STX2: variants seen among roughly 807,000 people sequenced by gnomAD.
STX2 encodes the protein syntaxin 2, also known as syntaxin-2.
STX2 carries 27 observed loss-of-function variants against 40.6 expected under a neutral mutation model. That is an observed-to-expected ratio of 0.66 (90% CI 0.49 to 0.92). STX2 has a LOEUF of 0.92. STX2 is among the 40% of genes least tolerant of loss of function. The pLI is 0.00. For synonymous variants in STX2, 123 were observed against 119.1 expected (o/e 1.03, Z -0.22); for missense variants, 328 against 366.1 (o/e 0.90, Z 0.85).
chr12:130,815,097 A>C (rs995707829), intron 3 of STX2, among the ~76,000 whole-genome samples: 1 of 152,230 alleles, frequency 6.6e-6, no homozygotes, highest in Non-Finnish European at 1.5e-5. Context: ...AAGAAAAAAC[A>C]AAGAAAAATT....
intron 10 of STX2, among the ~76,000 whole-genome samples, chr12:130,795,037 A>G (rs886633964): frequency 1.2e-4 from 19 of 152,258 alleles, no homozygotes; most frequent in African/African-American, 4.6e-4. Flanking sequence ...GGGAAACCAC[A>G]AAGCCTGCTG....
intron 6 of STX2, among the ~76,000 whole-genome samples, chr12:130,805,254 T>C (rs958038142): frequency 6.6e-6 from 1 of 152,150 alleles, no homozygotes; most frequent in African/African-American, 2.4e-5. Flanking sequence ...CCACTTGAAA[T>C]AACCACAAAC....
chr12:130,829,869 T>G (rs1436600208), intron 1 of STX2, among the ~76,000 whole-genome samples: 1 of 152,096 alleles, frequency 6.6e-6, no homozygotes, highest in Non-Finnish European at 1.5e-5. Context: ...GAAAGTGAGC[T>G]GCAGACGGCC....
chr12:130,802,819 C>T (rs1227263048), intron 6 of STX2, among the ~76,000 whole-genome samples: 3 of 152,190 alleles, frequency 2.0e-5, no homozygotes, highest in African/African-American at 2.4e-5. Flanking sequence ...ATGGTGAAAC[C>T]TTGGAAAAAC....
intron 3 of STX2, among the ~76,000 whole-genome samples, chr12:130,819,241 C>T (rs901930358): frequency 6.6e-6 from 1 of 152,198 alleles, no homozygotes; most frequent in African/African-American, 2.4e-5. Context: ...CCCTGCTCAC[C>T]GGGACCTAAG....
At chr12:130,829,620 T>C (rs549752094) in intron 1 of STX2, among the ~76,000 whole-genome samples, 2 of 152,300 alleles carry the variant, frequency 1.3e-5, no homozygotes, top group African/African-American at 2.4e-5. Context: ...GCCCCGCCTC[T>C]CGGGCCCACA....
rs1262682247 is a variant in STX2, at chr12:130,796,866, A to AG, written c.787-747dup. Among the ~76,000 whole-genome samples, 5 of 152,052 alleles carry AG rather than the reference A, an allele frequency of 3.3e-5. No homozygotes were observed. The East Asian group carries it at 9.7e-4, about 29-fold the overall frequency. On this transcript the variant is annotated intron_variant, in intron 9 of 10. Transcript: ENST00000392373. ...CTTCACTGCTCCTGACATAGCACAC[A>AG]GAAAAAAAAAACCCTTCTACAAACG...
chr12:130,820,563 G>A (rs1414457146), intron 3 of STX2, among the ~76,000 whole-genome samples: 5 of 152,116 alleles, frequency 3.3e-5, no homozygotes, highest in Admixed American at 3.3e-4. Flanking sequence ...CTACTCAGGA[G>A]GCCAAGGCAG....
chr12:130,813,961 T>A (rs10744484), intron 3 of STX2, among the ~76,000 whole-genome samples: 1 of 152,002 alleles, frequency 6.6e-6, no homozygotes, highest in South Asian at 2.1e-4. Context: ...CGTAGACAAC[T>A]TGGCCAAGAA....
chr12:130,805,523 A>T (rs999549871), intron 6 of STX2, among the ~76,000 whole-genome samples: 1 of 152,096 alleles, frequency 6.6e-6, no homozygotes, highest in African/African-American at 2.4e-5. Flanking sequence ...AGCTGCACAG[A>T]CCCCGCATGC....
At chr12:130,823,878 A>G (rs1451086481) in intron 2 of STX2, among the ~76,000 whole-genome samples, 1 of 152,254 alleles carries the variant, frequency 6.6e-6, no homozygotes, top group South Asian at 2.1e-4. Flanking sequence ...GTCCAGCTTA[A>G]TAGACAGCAC....
rs201143555 is a variant in STX2 at position 130,813,673 on chromosome 12, C to G, written c.206-642G>C. On this transcript the variant is annotated intron_variant, in intron 3 of 10. Coordinates refer to ENST00000392373, the MANE Select transcript of STX2 (RefSeq NM_194356.4). Reference sequence around the variant, plus strand: ...GGCAGTGCTGAGACCTAAGGCCACCCAGGGCGTCATAGCAGCCTCTGCTTT... The same window carrying G: ...GGCAGTGCTGAGACCTAAGGCCACCGAGGGCGTCATAGCAGCCTCTGCTTT... Among the ~76,000 whole-genome samples, 31 of 152,308 alleles carry G rather than the reference C, an allele frequency of 2.0e-4. 1 individual carries two copies. In the East Asian group the frequency reaches 5.8e-3, roughly 28 times the overall value.
chr12:130,801,137 AAG>A lies in STX2; in HGVS notation c.675+14_675+15del, dbSNP rs1281656832. ...GACTGATATCTCTCTTGGAGAATGC[AAG>A]AGTCTGTAACTACCTGAGTCTCCAC... On this transcript the variant is annotated intron_variant, in intron 8 of 10. Transcript: ENST00000392373. 6.2e-7 allele frequency: 1 copy of A among 1,602,070 alleles called. No homozygotes were observed. The highest frequency in any genetic ancestry group is 8.5e-7 in the Non-Finnish European group (1 of 1,171,588).
intron 2 of STX2, 69 bp from the exon 3 acceptor site, chr12:130,821,857 G>A (rs1952129528): frequency 2.2e-6 from 2 of 926,906 alleles, no homozygotes; most frequent in Non-Finnish European, 3.4e-6. Context: ...TCCCCTAAAA[G>A]GGGAAGAATA....
intron 1 of STX2, among the ~76,000 whole-genome samples, chr12:130,834,444 G>C (rs944190050): frequency 2.6e-5 from 4 of 151,846 alleles, no homozygotes; most frequent in Non-Finnish European, 4.4e-5. Context: ...AGCAGCACCT[G>C]CAAGGGCAGG....
intron 9 of STX2, among the ~76,000 whole-genome samples, chr12:130,797,441 A>G (rs1205410551): frequency 2.0e-5 from 3 of 152,212 alleles, no homozygotes; most frequent in Non-Finnish European, 4.4e-5. Context: ...GCATACTTAG[A>G]CATACCCAGG....
intron 1 of STX2, among the ~76,000 whole-genome samples, chr12:130,837,949 A>C (rs1157870711): frequency 6.6e-6 from 1 of 152,258 alleles, no homozygotes; most frequent in Non-Finnish European, 1.5e-5. Flanking sequence ...TGCCTTTCTC[A>C]ACCAGAGCTC....
chr12:130,817,015 A>C (rs1593160683), intron 3 of STX2, among the ~76,000 whole-genome samples: 1 of 152,184 alleles, frequency 6.6e-6, no homozygotes, highest in Non-Finnish European at 1.5e-5. Context: ...TCATCTCTTT[A>C]AAAAGAAAAT....
intron 1 of STX2, among the ~76,000 whole-genome samples, chr12:130,835,507 A>G (rs1024486115): frequency 6.6e-6 from 1 of 152,182 alleles, no homozygotes; most frequent in Non-Finnish European, 1.5e-5. Flanking sequence ...AAATACATCA[A>G]TGTTCATAAA....
Sources: allele counts gnomAD v4.1 joint callset (sites outside exome capture counted in the v4.1 genomes callset), GRCh38; gene constraint gnomAD v4.1.1; transcripts MANE v1.5; gene names NCBI Gene and HGNC (gene_info 2026-07-23, HGNC 2026-07-21).